Variants in FLI1 observed in about 807,000 individuals in gnomAD.
FLI1 encodes Friend leukemia integration 1 transcription factor.
FLI1 carries 13 observed loss-of-function variants against 53.1 expected under a neutral mutation model. That is an observed-to-expected ratio of 0.24 (90% confidence interval 0.16 to 0.39). The LOEUF is 0.39. Among genes scored for constraint, FLI1 ranks in the 10% least tolerant of loss-of-function variants. The pLI is 1.00. For missense variants in FLI1, 424 were observed against 600.5 expected (o/e 0.71, Z 3.07); for synonymous variants, 244 against 236.7 (o/e 1.03, Z -0.28).
intron 2 of FLI1, among the ~76,000 whole-genome samples, chr11:128,766,885 A>G (rs917853481): frequency 6.6e-6 from 1 of 151,864 alleles, no homozygotes; most frequent in Non-Finnish European, 1.5e-5. Context: ...AGCTCTTGAG[A>G]GAACTGGCTG....
chr11:128,691,581 G>C (rs1341854064), upstream of FLI1: 1 of 152,246 alleles, frequency 6.6e-6, no homozygotes, highest in Non-Finnish European at 1.5e-5. Context: ...AGTGGTGCCT[G>C]TGCCAGGCTC....
At position 128,796,017 on chromosome 11, in the gene FLI1, A is replaced by G. The variant is rs752020028; in HGVS notation, c.656-9349A>G. On this transcript the variant is annotated intron_variant, in intron 5 of 8. Transcript: ENST00000527786. ...TACAGAGAGGTTCAATAAGAGGTTC[A>G]GAGAGGTTAAGTCATTTGCCTCAGA... Among the ~76,000 whole-genome samples the G allele has an allele frequency of 2.2e-4, 34 of 152,348 alleles. No homozygotes were observed. In the Middle Eastern group the frequency reaches 0.031, roughly 137 times the overall value.
chr11:128,769,783 T>G (rs1425972665), intron 3 of FLI1, among the ~76,000 whole-genome samples: 1 of 152,182 alleles, frequency 6.6e-6, no homozygotes, highest in African/African-American at 2.4e-5. Context: ...GTAAATTGCT[T>G]TATCTCCATG....
chr11:128,738,142 G>A (rs1160018587), intron 1 of FLI1, among the ~76,000 whole-genome samples: 3 of 152,052 alleles, frequency 2.0e-5, no homozygotes, highest in South Asian at 2.1e-4. Context: ...TCCCCTTAAC[G>A]TCACCCTGCT....
chr11:128,733,621 A>G (rs2135757844), intron 1 of FLI1, among the ~76,000 whole-genome samples: 1 of 152,350 alleles, frequency 6.6e-6, no homozygotes, highest in Non-Finnish European at 1.5e-5. Flanking sequence ...GTCAAGCTAC[A>G]AAGATCACAT....
intron 5 of FLI1, among the ~76,000 whole-genome samples, chr11:128,789,253 G>C (rs541498906): frequency 6.6e-6 from 1 of 152,276 alleles, no homozygotes; most frequent in East Asian, 1.9e-4. Flanking sequence ...TGTTTGATGT[G>C]GGTTTCAGGA....
intron 5 of FLI1, among the ~76,000 whole-genome samples, chr11:128,789,151 G>A (rs935238504): frequency 6.6e-6 from 1 of 152,218 alleles, no homozygotes; most frequent in East Asian, 1.9e-4. Context: ...AAGGAAACCA[G>A]CGTGTTTGTT....
intron 4 of FLI1, among the ~76,000 whole-genome samples, chr11:128,776,913 G>A (rs1022896799): frequency 6.6e-6 from 1 of 150,790 alleles, no homozygotes; most frequent in African/African-American, 2.4e-5. Flanking sequence ...TGGGCAGCCC[G>A]GCCACTTCCC....
At chr11:128,706,298 G>T (rs1026825299) in intron 1 of FLI1, among the ~76,000 whole-genome samples, 1 of 152,162 alleles carries the variant, frequency 6.6e-6, no homozygotes, top group Non-Finnish European at 1.5e-5. Context: ...AGTTGAGATC[G>T]CTGCTTTTCT....
At chr11:128,746,017 C>T (rs1045874746) in intron 1 of FLI1, among the ~76,000 whole-genome samples, 24 of 152,188 alleles carry the variant, frequency 1.6e-4, no homozygotes. Flanking sequence ...GAACAAGAAA[C>T]AGTCACTGGG....
At chr11:128,776,580 G>C (rs1298005245) in intron 4 of FLI1, among the ~76,000 whole-genome samples, 9 of 152,322 alleles carry the variant, frequency 5.9e-5, no homozygotes, top group Admixed American at 1.3e-4. Flanking sequence ...GAATGCGGGA[G>C]GGGGAGGCTG....
intron 1 of FLI1, among the ~76,000 whole-genome samples, chr11:128,719,535 C>T (rs186066188): frequency 6.3e-4 from 96 of 152,240 alleles, no homozygotes; most frequent in Admixed American, 9.2e-4. Flanking sequence ...TATACAAAGA[C>T]AGCGAGGGCT....
chr11:128,730,669 G>T (rs1348151538), intron 1 of FLI1, among the ~76,000 whole-genome samples: 3 of 152,014 alleles, frequency 2.0e-5, no homozygotes, highest in Admixed American at 1.3e-4. Flanking sequence ...TCTTGGGAGA[G>T]CTACACCAAG....
At chr11:128,690,847 C>T (rs1300724944), upstream of FLI1, among the ~76,000 whole-genome samples, 1 of 152,182 alleles carries the variant, frequency 6.6e-6, no homozygotes, top group Non-Finnish European at 1.5e-5. Flanking sequence ...AAACCAGCCC[C>T]GAGCTGCTGG....
In FLI1 at chr11:128,810,439, G is replaced by C; in HGVS notation, c.830-20G>C. ...GGGCTGAGGTGTTCTGTTCTCTCCC[G>C]TTTGCCTCACGGCGTGCAGGAAGCG... is the stretch of plus-strand genomic sequence containing the variant. On this transcript the variant is annotated intron_variant, in intron 8 of 8. Coordinates refer to ENST00000527786, the MANE Select transcript of FLI1 (RefSeq NM_002017.5). The surrounding 1 kb of genome is among the most constrained non-coding windows in gnomAD (Gnocchi z 6.6). The C allele has an allele frequency of 6.3e-7, 1 of 1,574,952 alleles. No homozygotes were observed. The highest frequency in any genetic ancestry group is 8.6e-7 in the Non-Finnish European group (1 of 1,159,770).
intron 4 of FLI1, among the ~76,000 whole-genome samples, chr11:128,778,471 G>A (rs191920580): frequency 9.3e-4 from 142 of 152,336 alleles, no homozygotes; most frequent in Non-Finnish European, 1.8e-3. Flanking sequence ...CTGCCAGATT[G>A]AGGACAGGTT....
intron 1 of FLI1, among the ~76,000 whole-genome samples, chr11:128,702,873 A>AAC (rs1938398601): frequency 6.6e-6 from 1 of 151,976 alleles, no homozygotes; most frequent in African/African-American, 2.4e-5. Flanking sequence ...AAGAAAAAAA[A>AAC]AAAAAACATG....
chr11:128,792,247 C>T (rs1013945818), intron 5 of FLI1, among the ~76,000 whole-genome samples: 3 of 152,156 alleles, frequency 2.0e-5, no homozygotes, highest in African/African-American at 7.2e-5. Flanking sequence ...TCCAAAATGA[C>T]CCTTTCCTAC....
intron 1 of FLI1, among the ~76,000 whole-genome samples, chr11:128,741,257 G>A (rs184523484): frequency 6.6e-6 from 1 of 152,144 alleles, no homozygotes; most frequent in Non-Finnish European, 1.5e-5. Context: ...GCCAGGTGTG[G>A]TCATGGGCGC....
Sources: allele counts gnomAD v4.1 joint callset (sites outside exome capture counted in the v4.1 genomes callset), GRCh38; gene constraint gnomAD v4.1.1; non-coding constraint Gnocchi (gnomAD v3.1); transcripts MANE v1.5; gene names NCBI Gene and HGNC (gene_info 2026-07-23, HGNC 2026-07-21).